Variants in RIPOR1 observed in about 807,000 individuals in gnomAD.
RIPOR1 encodes RHO family interacting cell polarization regulator 1, also known as rho family-interacting cell polarization regulator 1.
In RIPOR1, 58 loss-of-function variants were observed where a neutral mutation model predicts 116.5. The ratio of observed to expected loss-of-function variants is 0.50; its 90% CI spans 0.40 to 0.62. The LOEUF is 0.62. Among genes scored for constraint, RIPOR1 ranks in the 20% least tolerant of loss-of-function variants. The pLI is 0.00. For synonymous variants in RIPOR1, 605 were observed against 650.0 expected (o/e 0.93, Z 1.05); for missense variants, 1,372 against 1,586.2 (o/e 0.86, Z 2.29).
At position 67,544,426 on chromosome 16, in the gene RIPOR1, C is replaced by T; in HGVS notation, c.2728C>T (p.Leu910=). 1 of 1,609,086 alleles carries T rather than the reference C, an allele frequency of 6.2e-7. No homozygotes were observed. The highest frequency in any genetic ancestry group is 8.5e-7 in the Non-Finnish European group (1 of 1,178,382). The change falls in exon 15 of 22, where the codon CTG becomes TTG. Residue 910 remains leucine (L), a synonymous_variant. Transcript: ENST00000042381. This position sits in a 1 kb window ranked among gnomAD's most constrained non-coding sequence, Gnocchi z 5.1. The part of the protein sequence containing the change: ...VRHLYHCSRL[L]LKLGTFGPLR... ...GCACCTGTACCACTGCAGTCGCCTCCTGCTGGTGAGGCTGATGGTGTTCCC... is the reference window on the plus strand; with the variant it reads ...GCACCTGTACCACTGCAGTCGCCTCTTGCTGGTGAGGCTGATGGTGTTCCC...
intron 1 of RIPOR1, among the ~76,000 whole-genome samples, chr16:67,534,771 G>A (rs1214273990): frequency 6.7e-6 from 1 of 150,070 alleles, no homozygotes; most frequent in Non-Finnish European, 1.5e-5. Context: ...CATTCTTTTT[G>A]CTATGTGGTA....
chr16:67,538,376 G>A (rs759852393), intron 1 of RIPOR1, 48 bp from the exon 2 acceptor site: 357 of 1,524,236 alleles, frequency 2.3e-4, no homozygotes, highest in Non-Finnish European at 3.0e-4. Context: ...CGTGGGAGAG[G>A]GCTTCGGGGA....
rs1229904718 is a variant in RIPOR1, at chr16:67,529,592, G to A, written c.-24+678G>A. 4.3e-5 allele frequency: 26 copies of A among 610,080 alleles called. 1 individual carries two copies. The highest frequency in any genetic ancestry group is 6.3e-5 in the Non-Finnish European group (22 of 350,544). The allele number at this position is 610,080 out of a possible 1,614,324, so 37.8% of individuals were successfully genotyped here. On this transcript the variant is annotated intron_variant, in intron 1 of 21. Transcript: ENST00000042381. This position sits in a 1 kb window ranked among gnomAD's most constrained non-coding sequence, Gnocchi z 4.1. ...CAAGGGGCTGCTCACCAGGGCTAGA[G>A]GTCGGATTCAGTCCAGATTCAGCAC...
At chr16:67,520,380 A>AG (rs2050484929) in intron 1 of RIPOR1, among the ~76,000 whole-genome samples, 1 of 150,022 alleles carries the variant, frequency 6.7e-6, no homozygotes, top group African/African-American at 2.5e-5. Flanking sequence ...CCCATCTCAA[A>AG]AAAAAAAAAG....
chr16:67,536,854 C>T (rs1006622585), intron 1 of RIPOR1, among the ~76,000 whole-genome samples: 4 of 152,152 alleles, frequency 2.6e-5, no homozygotes, highest in African/African-American at 7.2e-5. Flanking sequence ...TCTTTCCACT[C>T]TTCAGCCCCC....
Position 67,545,637 on chromosome 16 carries a change from C to T in RIPOR1, c.3191-27C>T. 6.4e-7 allele frequency: 1 copy of T among 1,569,670 alleles called. No individual in the cohort carries two copies. Among genetic ancestry groups the T allele is most frequent in the Non-Finnish European group, 8.7e-7 (1 of 1,155,448 alleles). ...GCTCCTCACCCTGCCACCTTGCCCA[C>T]CCACCCACCATATCCCCTTTTTTCA... On this transcript the variant is annotated intron_variant, in intron 18 of 21. Coordinates refer to ENST00000042381, the MANE Select transcript of RIPOR1 (RefSeq NM_024519.4). This position sits in a 1 kb window ranked among gnomAD's most constrained non-coding sequence, Gnocchi z 4.8.
chr16:67,523,305 C>G (rs2050510153), intron 1 of RIPOR1, among the ~76,000 whole-genome samples: 1 of 152,012 alleles, frequency 6.6e-6, no homozygotes, highest in African/African-American at 2.4e-5. Flanking sequence ...GCAGGTGGAT[C>G]ACCTGAGGTC....
chr16:67,520,129 G>C (rs1390665967), intron 1 of RIPOR1, among the ~76,000 whole-genome samples: 1 of 149,058 alleles, frequency 6.7e-6, no homozygotes, highest in Non-Finnish European at 1.5e-5. Context: ...TGTGATCCCA[G>C]CACTTTGGGA....
At position 67,529,544 on chromosome 16, in the gene RIPOR1, G is replaced by A; in HGVS notation, c.-24+630G>A. 1 of 482,744 alleles carries A rather than the reference G, an allele frequency of 2.1e-6. No homozygotes were observed. The allele number at this position is 482,744 out of a possible 1,614,324, so 29.9% of individuals were successfully genotyped here. On this transcript the variant is annotated intron_variant, in intron 1 of 21. Coordinates refer to ENST00000042381, the MANE Select transcript of RIPOR1 (RefSeq NM_024519.4). This position sits in a 1 kb window ranked among gnomAD's most constrained non-coding sequence, Gnocchi z 4.1. ...AGGTTCCTGCAACAGCCGGGCCTGG[G>A]CTCTCTGCAGAACTGGTTTGGGCAA... is the stretch of plus-strand genomic sequence containing the variant.
rs889993950 is a variant in RIPOR1, at chr16:67,539,210, G to A, written c.336+142G>A. ...AAAAGGGGATATCAGGAAAGGCTGA[G>A]GGGCTTTTCTATCCCCAAACTTTGC... is the stretch of plus-strand genomic sequence containing the variant. On this transcript the variant is annotated intron_variant, in intron 4 of 21. Transcript: ENST00000042381. 5 of 707,116 alleles carry A rather than the reference G, an allele frequency of 7.1e-6. No individual in the cohort carries two copies. In the Admixed American group the frequency reaches 1.5e-4, roughly 22 times the overall value. 43.8% of individuals were successfully genotyped at this position (707,116 alleles called of 1,614,324 possible). A position where few individuals can be genotyped will look rare whatever the true frequency, so the allele number is the denominator to read the frequency against.
In RIPOR1 at chr16:67,538,713, C is replaced by T. The variant is rs1212535039; in HGVS notation, c.146C>T (p.Pro49Leu). The change falls in exon 3 of 22, where the codon CCC (proline) becomes CTC (leucine). Residue 49 changes from proline to leucine, a missense_variant. Physicochemically the swap from Pro to Leu is moderately conservative, Grantham distance 98. Coordinates refer to ENST00000042381, the MANE Select transcript of RIPOR1 (RefSeq NM_024519.4). ...AGCCCGCCGGGGCCCCCACGGAAGC[C>T]CCCCGCGCTCTCCCGAGTGTCCAGG... is the stretch of plus-strand genomic sequence containing the variant. ...VFSPPGPPRK[P>L]PALSRVSRMF... 3 of 1,613,338 alleles carry T rather than the reference C, an allele frequency of 1.9e-6. No individual in the cohort carries two copies. The highest frequency in any genetic ancestry group is 2.5e-6 in the Non-Finnish European group (3 of 1,179,912).
In RIPOR1 at chr16:67,544,577, G is replaced by A. The variant is rs2051103109; in HGVS notation, c.2734-118G>A. 1.3e-6 allele frequency: 2 copies of A among 1,547,800 alleles called. No homozygotes were observed. Among genetic ancestry groups the A allele is most frequent in the Admixed American group, 1.7e-5 (1 of 58,456 alleles). On this transcript the variant is annotated intron_variant, in intron 15 of 21. Transcript: ENST00000042381. The surrounding 1 kb of genome is among the most constrained non-coding windows in gnomAD (Gnocchi z 5.1). Reference sequence around the variant, plus strand: ...TGGCATCTGGCCCTTGCTGAATGGAGTATCTCCCAACTCTGCAACCCCAAC... The same window carrying A: ...TGGCATCTGGCCCTTGCTGAATGGAATATCTCCCAACTCTGCAACCCCAAC...
At position 67,544,873 on chromosome 16, in the gene RIPOR1, C is replaced by T. The variant is rs1471616361; in HGVS notation, c.2869+43C>T. 1.3e-6 allele frequency: 2 copies of T among 1,595,072 alleles called. No individual in the cohort carries two copies. Among genetic ancestry groups the T allele is most frequent in the Admixed American group, 1.7e-5 (1 of 59,462 alleles). ...TCGGGCTCTGCCATCTGCCTTGAAG[C>T]TCCTACCTCAGCCTACTGCCATCTG... On this transcript the variant is annotated intron_variant, in intron 16 of 21. Transcript: ENST00000042381. The surrounding 1 kb of genome is among the most constrained non-coding windows in gnomAD (Gnocchi z 5.1).
chr16:67,529,495 T>C lies in RIPOR1; in HGVS notation c.-24+581T>C. 1 of 385,112 alleles carries C rather than the reference T, an allele frequency of 2.6e-6. No homozygotes were observed. The highest frequency in any genetic ancestry group is 4.7e-6 in the Non-Finnish European group (1 of 212,880). 23.9% of individuals were successfully genotyped at this position (385,112 alleles called of 1,614,324 possible). ...CGTCCTTGTCGGGGAACGGAGCTTT[T>C]CCCTGGAAATGGAGGTTGGCGCAAG... On this transcript the variant is annotated intron_variant, in intron 1 of 21. Transcript: ENST00000042381. This position sits in a 1 kb window ranked among gnomAD's most constrained non-coding sequence, Gnocchi z 4.1.
At chr16:67,521,133 G>A (rs928568962) in intron 1 of RIPOR1, among the ~76,000 whole-genome samples, 2 of 152,212 alleles carry the variant, frequency 1.3e-5, no homozygotes, top group African/African-American at 4.8e-5. Context: ...GAACCGAACA[G>A]GTTGTGCACT....
At chr16:67,534,835 CT>C (rs553858194) in intron 1 of RIPOR1, among the ~76,000 whole-genome samples, 7,478 of 79,140 alleles carry the variant, frequency 0.094, 196 homozygotes, top group African/African-American at 0.17. Context: ...TTCTTTTTTT[CT>C]TTTTTTTTTT....
intron 1 of RIPOR1, among the ~76,000 whole-genome samples, chr16:67,521,470 T>C (rs960416736): frequency 3.3e-5 from 5 of 152,248 alleles, no homozygotes; most frequent in African/African-American, 1.2e-4. Context: ...CAGCCTTCCT[T>C]TGTCAGGGGG....
rs546297279 is a variant in RIPOR1, at chr16:67,531,355, C to G, written c.-24+2441C>G. 2.0e-5 allele frequency among the ~76,000 whole-genome samples: 3 copies of G among 151,836 alleles called. No homozygotes were observed. The highest frequency in any genetic ancestry group is 2.0e-4 in the Admixed American group (3 of 15,248). On this transcript the variant is annotated intron_variant, in intron 1 of 21. Coordinates refer to ENST00000042381, the MANE Select transcript of RIPOR1 (RefSeq NM_024519.4). This position sits in a 1 kb window ranked among gnomAD's most constrained non-coding sequence, Gnocchi z 4.2. Reference sequence around the variant, plus strand: ...TTCATCTCCCAGGTGCTACAGGACCCCCAGAGCGCTGTGGTGAGCCAAGCA... The same window carrying G: ...TTCATCTCCCAGGTGCTACAGGACCGCCAGAGCGCTGTGGTGAGCCAAGCA...
In RIPOR1 at chr16:67,542,980, T is replaced by A. The variant is rs1238513115; in HGVS notation, c.2194T>A (p.Ser732Thr). ...PRTPHPSPAH[S>T]SRKPLTSPAP... ...AACTCCCCACCCAAGTCCTGCCCAT[T>A]CCAGTAGGAAACCCCTCACAAGCCC... Residue 732 changes from serine (S) to threonine (T), a missense_variant, in exon 13 of 22, where the codon TCC (serine) becomes ACC (threonine). Physicochemically the swap from Ser to Thr is moderately conservative, Grantham distance 58 (BLOSUM62 1). This residue lies in a region of RIPOR1 where 1,005 missense variants were observed against 1,144.7 expected (regional missense o/e 0.88). Coordinates refer to ENST00000042381, the MANE Select transcript of RIPOR1 (RefSeq NM_024519.4). The surrounding 1 kb of genome is among the most constrained non-coding windows in gnomAD (Gnocchi z 4.6). The A allele has an allele frequency of 6.3e-7, 1 of 1,577,026 alleles. No individual in the cohort carries two copies. The highest frequency in any genetic ancestry group is 8.6e-7 in the Non-Finnish European group (1 of 1,161,544).
Sources: allele counts gnomAD v4.1 joint callset (sites outside exome capture counted in the v4.1 genomes callset), GRCh38; gene constraint gnomAD v4.1.1; regional missense constraint gnomAD v4.1.1; non-coding constraint Gnocchi (gnomAD v3.1); transcripts MANE v1.5; gene names NCBI Gene and HGNC (gene_info 2026-07-23, HGNC 2026-07-21).